Variants in NPRL3 observed in about 807,000 individuals in gnomAD.
The protein encoded by NPRL3 is NPR3 like, GATOR1 complex subunit.
NPRL3 carries 23 observed loss-of-function variants against 57.2 expected under a neutral mutation model. The observed-to-expected ratio is 0.40, with a 90% CI of 0.29 to 0.57. The LOEUF is 0.57. Among genes scored for constraint, NPRL3 ranks in the 20% least tolerant of loss-of-function variants. The probability of loss-of-function intolerance (pLI) is 0.42; values close to 1 mark genes in which losing one functional copy is unlikely to be tolerated. For missense variants in NPRL3, 691 were observed against 767.1 expected (o/e 0.90, Z 1.17); for synonymous variants, 333 against 321.1 (o/e 1.04, Z -0.39).
intron 3 of NPRL3, among the ~76,000 whole-genome samples, chr16:122,105 T>C (rs1166602770): frequency 1.3e-5 from 2 of 148,394 alleles, no homozygotes; most frequent in African/African-American, 5.0e-5. Context: ...GGCTTTTTCT[T>C]TTCCCCCTTG....
chr16:135,361 C>T (rs1445260423), intron 2 of NPRL3, among the ~76,000 whole-genome samples: 3 of 151,976 alleles, frequency 2.0e-5, no homozygotes, highest in Admixed American at 2.0e-4. Context: ...AAAAACAAGA[C>T]ATACTTTGGG....
intron 7 of NPRL3, among the ~76,000 whole-genome samples, chr16:101,474 G>A (rs144645517): frequency 6.6e-6 from 1 of 152,178 alleles, no homozygotes; most frequent in African/African-American, 2.4e-5. Context: ...TATCAGTAAG[G>A]GTAACTTGGT....
At chr16:121,209 T>G (rs1376671458) in intron 3 of NPRL3, among the ~76,000 whole-genome samples, 1 of 152,190 alleles carries the variant, frequency 6.6e-6, no homozygotes. Flanking sequence ...GTAGCCCAGT[T>G]CGCGTTTATA....
At chr16:101,672 G>A (rs1308214205) in intron 7 of NPRL3, among the ~76,000 whole-genome samples, 4 of 152,042 alleles carry the variant, frequency 2.6e-5, no homozygotes, top group Admixed American at 6.6e-5. Flanking sequence ...TCTGACTACC[G>A]CTCCCCACAC....
chr16:128,481 G>A (rs189794444), intron 3 of NPRL3, among the ~76,000 whole-genome samples: 2 of 152,276 alleles, frequency 1.3e-5, no homozygotes, highest in Non-Finnish European at 2.9e-5. Flanking sequence ...AACAGTCAAA[G>A]ACACGGGCCG....
At chr16:130,807 T>C (rs1900755725) in intron 2 of NPRL3, among the ~76,000 whole-genome samples, 1 of 152,192 alleles carries the variant, frequency 6.6e-6, no homozygotes, top group African/African-American at 2.4e-5. Flanking sequence ...ACTTACAGTA[T>C]ATGAAATGTC....
chr16:124,506 C>T (rs1276834212), intron 3 of NPRL3, among the ~76,000 whole-genome samples: 2 of 152,002 alleles, frequency 1.3e-5, no homozygotes, highest in African/African-American at 4.8e-5. Flanking sequence ...CAGCCTAAAA[C>T]TAATCTTTGT....
Position 92,725 on chromosome 16 carries a change from C to T in NPRL3, c.1032G>A (p.Leu344=), listed in dbSNP as rs745938544. The T allele has an allele frequency of 2.6e-5, 42 of 1,613,222 alleles. No individual in the cohort carries two copies. The highest frequency in any genetic ancestry group is 3.5e-5 in the Non-Finnish European group (41 of 1,179,660). The change falls in exon 11 of 14, where the codon CTG becomes CTA. Residue 344 remains leucine, a splice_region_variant and synonymous_variant. Transcript: ENST00000611875. ...AGAACTGCTCGGCCAGCGGGGAGTA[C>T]CTGCAGGCAGGTGAGCATGCCAGTG... ...YMLSPNASVC[L]YSPLAEQFSH... is the part of the protein sequence containing the mutation.
At chr16:92,852 C>CG (rs1898822512) in intron 10 of NPRL3, 127 bp from the exon 11 acceptor site, 1 of 1,248,512 alleles carries the variant, frequency 8.0e-7, no homozygotes, top group Non-Finnish European at 1.1e-6. Flanking sequence ...GAGGGCAGAA[C>CG]GGTATGAGGC....
chr16:104,119 T>C (rs1448480116), intron 7 of NPRL3, among the ~76,000 whole-genome samples: 10 of 98,340 alleles, frequency 1.0e-4, no homozygotes, highest in African/African-American at 1.3e-4. Flanking sequence ...AAAGTGAAAC[T>C]CCATCTCAAA....
In NPRL3 at chr16:114,178, G is replaced by C. The variant is rs527457115; in HGVS notation, c.394-1403C>G. On this transcript the variant is annotated intron_variant, in intron 5 of 13. Coordinates refer to ENST00000611875, the MANE Select transcript of NPRL3 (RefSeq NM_001077350.3). ...TCAGCTGAGGCACAACAGTGTCCAT[G>C]AGTTGGATGTCCAGGGCCCATATGC... Among the ~76,000 whole-genome samples, 3 of 152,360 alleles carry C rather than the reference G, an allele frequency of 2.0e-5. No homozygotes were observed. In the South Asian group the frequency reaches 6.2e-4, roughly 32 times the overall value.
rs201637861 is a variant in NPRL3 at position 123,466 on chromosome 16, G to A, written c.189-4211C>T. ...ACAATTACAAGAAGAGAAGGCAGCC[G>A]GAATCAAGACAGAAAGACGGTGGAG... On this transcript the variant is annotated intron_variant, in intron 3 of 13. Coordinates refer to ENST00000611875, the MANE Select transcript of NPRL3 (RefSeq NM_001077350.3). The A allele has an allele frequency of 1.6e-3, 739 of 470,156 alleles. 6 individuals are homozygous for A. Among genetic ancestry groups the A allele is most frequent in the South Asian group, 6.6e-3 (427 of 64,500 alleles). The allele number at this position is 470,156 out of a possible 1,614,324, so 29.1% of individuals were successfully genotyped here.
chr16:112,567 CAG>C, intron 6 of NPRL3, 53 bp downstream of exon 6: 2 of 1,430,514 alleles, frequency 1.4e-6, no homozygotes, highest in Non-Finnish European at 1.9e-6. Context: ...GTCTGCGCTG[CAG>C]AGAGGCCACC....
At chr16:100,698 G>T (rs1261713093) in intron 7 of NPRL3, among the ~76,000 whole-genome samples, 189 bp from the exon 8 acceptor site, 1 of 127,836 alleles carries the variant, frequency 7.8e-6, no homozygotes, top group Non-Finnish European at 1.9e-5. Context: ...GGCCGGGCAC[G>T]GTGGCTCATG....
chr16:135,438 A>G (rs1451230456), intron 2 of NPRL3, among the ~76,000 whole-genome samples: 1 of 152,018 alleles, frequency 6.6e-6, no homozygotes, highest in Non-Finnish European at 1.5e-5. Context: ...GTGAAACCCC[A>G]TCTCTACTAA....
chr16:91,555 A>C (rs1001275378), intron 11 of NPRL3, among the ~76,000 whole-genome samples: 3 of 152,058 alleles, frequency 2.0e-5, no homozygotes, highest in Non-Finnish European at 4.4e-5. Context: ...GCTCCTCCCT[A>C]AGCACTGCCC....
In NPRL3 at chr16:119,219, G is replaced by T; in HGVS notation, c.225C>A (p.Thr75=). The change falls in exon 4 of 14, where the codon ACC becomes ACA. Residue 75 remains threonine, a synonymous_variant. Coordinates refer to ENST00000611875, the MANE Select transcript of NPRL3 (RefSeq NM_001077350.3). The part of the protein sequence containing the change: ...SDVILATILA[T]KSEMCGQKFE... The stretch of plus-strand genomic sequence containing the variant: ...ATTTTTGGCCACACATTTCAGACTT[G>T]GTTGCCAAAATTGTTGCCAGAATAA... The T allele has an allele frequency of 1.2e-6, 2 of 1,611,048 alleles. No individual in the cohort carries two copies. The highest frequency in any genetic ancestry group is 1.7e-6 in the Non-Finnish European group (2 of 1,178,486).
intron 3 of NPRL3, among the ~76,000 whole-genome samples, chr16:124,368 C>CA (rs1279570941): frequency 6.7e-6 from 1 of 148,816 alleles, no homozygotes; most frequent in African/African-American, 2.5e-5. Context: ...TTCCTTTTTT[C>CA]TTTTTTTTCT....
intron 7 of NPRL3, among the ~76,000 whole-genome samples, chr16:104,389 C>G (rs894484393): frequency 3.3e-5 from 5 of 152,098 alleles, no homozygotes; most frequent in African/African-American, 1.2e-4. Context: ...GGGAAAGGAA[C>G]AGGGGCTTGG....
Sources: allele counts gnomAD v4.1 joint callset (sites outside exome capture counted in the v4.1 genomes callset), GRCh38; gene constraint gnomAD v4.1.1; transcripts MANE v1.5; gene names NCBI Gene and HGNC (gene_info 2026-07-23, HGNC 2026-07-21).